SUPT3H: variants seen among roughly 807,000 people sequenced by gnomAD.
SUPT3H encodes the protein transcription initiation protein SPT3 homolog.
In SUPT3H, 44 loss-of-function variants were observed where a neutral mutation model predicts 44.3. The ratio of observed to expected loss-of-function variants is 0.99; its 90% CI spans 0.78 to 1.28. The LOEUF (loss-of-function observed/expected upper bound fraction) is 1.28. SUPT3H is among the 50% of genes most tolerant of loss of function. The pLI is 0.00. For missense variants in SUPT3H, 380 were observed against 387.1 expected, an observed-to-expected ratio of 0.98 and a Z score of 0.15; for synonymous variants, 124 against 125.6, an observed-to-expected ratio of 0.99 and a Z score of 0.09.
rs1775229196 is a variant in SUPT3H, at chr6:44,956,493, AAAAT to A, written c.581-1890_581-1887del. Among the ~76,000 whole-genome samples the A allele has an allele frequency of 6.2e-4, 4 of 6,468 alleles. 1 individual carries two copies. Among genetic ancestry groups the A allele is most frequent in the Non-Finnish European group, 1.0e-3 (3 of 2,886 alleles). 4.2% of individuals were successfully genotyped at this position (6,468 alleles called of 152,430 possible). On this transcript the variant is annotated intron_variant, in intron 7 of 10. Transcript: ENST00000371459. ...CTCAAAAAAAAAAAAATAAAAAAAAAAAATAAAAATAAAAAAAAAAAAGTGTCTA... is the reference window on the plus strand; with the variant it reads ...CTCAAAAAAAAAAAAATAAAAAAAAAAAAAATAAAAAAAAAAAAGTGTCTA...
intron 2 of SUPT3H, among the ~76,000 whole-genome samples, chr6:45,204,468 C>T (rs1762925777): frequency 6.6e-6 from 1 of 152,108 alleles, no homozygotes; most frequent in South Asian, 2.1e-4. Flanking sequence ...TATAAAGAAT[C>T]TACTTTGGTG....
At chr6:44,937,657 A>C (rs1245247924) in intron 9 of SUPT3H, among the ~76,000 whole-genome samples, 1 of 152,076 alleles carries the variant, frequency 6.6e-6, no homozygotes, top group Non-Finnish European at 1.5e-5. Flanking sequence ...TTGTGGTTTT[A>C]ATTTGCATTT....
intron 3 of SUPT3H, among the ~76,000 whole-genome samples, chr6:45,100,159 C>T (rs144524084): frequency 1.5e-4 from 23 of 152,126 alleles, no homozygotes; most frequent in East Asian, 3.9e-4. Context: ...CAGGGGAAAA[C>T]GCTTCGGACA....
At chr6:45,315,576 G>A (rs893173674) in intron 2 of SUPT3H, among the ~76,000 whole-genome samples, 3 of 152,046 alleles carry the variant, frequency 2.0e-5, no homozygotes, top group African/African-American at 4.8e-5. Context: ...ACCACAATGC[G>A]ATACCACCTT....
chr6:45,148,275 A>G (rs1806402755), intron 2 of SUPT3H, among the ~76,000 whole-genome samples: 1 of 152,022 alleles, frequency 6.6e-6, no homozygotes. Flanking sequence ...TCCTCCTCAA[A>G]CTCCTATGAG....
intron 2 of SUPT3H, among the ~76,000 whole-genome samples, chr6:45,133,959 C>T (rs1803878358): frequency 6.6e-6 from 1 of 152,090 alleles, no homozygotes; most frequent in Non-Finnish European, 1.5e-5. Flanking sequence ...TTACAAACCC[C>T]CAATGTGATG....
Position 45,177,590 on chromosome 6 carries a change from G to A in SUPT3H, c.102-71584C>T, listed in dbSNP as rs972980680. ...AGAACACCACAAAGATACTCCTCGA[G>A]AAGAGCAACTCCAAGACACATAATT... On this transcript the variant is annotated intron_variant, in intron 2 of 10. Transcript: ENST00000371459. Among the ~76,000 whole-genome samples, 280 of 152,028 alleles carry A rather than the reference G, an allele frequency of 1.8e-3. 1 individual carries two copies. Among genetic ancestry groups the A allele is most frequent in the African/African-American group, 6.2e-3 (258 of 41,450 alleles).
chr6:44,821,079 C>T (rs966485824), intron 11 of SUPT3H, among the ~76,000 whole-genome samples: 2 of 152,036 alleles, frequency 1.3e-5, no homozygotes, highest in African/African-American at 2.4e-5. Context: ...TCCAATTCTT[C>T]GCCTCAAGCA....
chr6:44,833,675 C>A (rs1327746092), intron 10 of SUPT3H, among the ~76,000 whole-genome samples: 3 of 152,034 alleles, frequency 2.0e-5, no homozygotes, highest in African/African-American at 7.2e-5. Flanking sequence ...CTAATTTGAG[C>A]CTTACCACAA....
At chr6:45,174,520 G>A (rs1811362663) in intron 2 of SUPT3H, among the ~76,000 whole-genome samples, 1 of 152,090 alleles carries the variant, frequency 6.6e-6, no homozygotes, top group African/African-American at 2.4e-5. Flanking sequence ...CATAAAGTGA[G>A]GTGAATAAGA....
At chr6:45,346,668 A>G (rs1406005811) in intron 2 of SUPT3H, among the ~76,000 whole-genome samples, 1 of 151,536 alleles carries the variant, frequency 6.6e-6, no homozygotes, top group African/African-American at 2.4e-5. Context: ...CCTGGGTTCA[A>G]GCAATTCTCT....
rs367614320 is a variant in SUPT3H at position 45,109,349 on chromosome 6, TA to T, written c.102-3344del. 2.0e-3 allele frequency among the ~76,000 whole-genome samples: 307 copies of T among 151,246 alleles called. 3 individuals carry two copies. Among genetic ancestry groups the T allele is most frequent in the African/African-American group, 6.9e-3 (284 of 41,276 alleles). On this transcript the variant is annotated intron_variant, in intron 2 of 10. Transcript: ENST00000371459. ...TCTAAGTTACTTCGAATGTCACTGT[TA>T]AAAAAAAAGTGCAAAGTTATCAACG...
At chr6:45,287,709 A>G (rs996198137) in intron 2 of SUPT3H, among the ~76,000 whole-genome samples, 6 of 152,198 alleles carry the variant, frequency 3.9e-5, no homozygotes, top group African/African-American at 1.2e-4. Flanking sequence ...ATGCAATGTC[A>G]AGGTACTTAA....
intron 9 of SUPT3H, among the ~76,000 whole-genome samples, chr6:44,948,576 C>T (rs185919476): frequency 1.9e-3 from 284 of 152,192 alleles, no homozygotes; most frequent in African/African-American, 6.2e-3. Context: ...AAAAAGTGGG[C>T]GAAGGATATG....
At chr6:45,086,484 G>T (rs562274979) in intron 3 of SUPT3H, among the ~76,000 whole-genome samples, 1 of 151,882 alleles carries the variant, frequency 6.6e-6, no homozygotes, top group African/African-American at 2.4e-5. Context: ...AATTTATAAT[G>T]CTTGCATGAC....
chr6:45,278,766 C>T (rs746888216), intron 2 of SUPT3H, among the ~76,000 whole-genome samples: 20 of 152,116 alleles, frequency 1.3e-4, no homozygotes, highest in Non-Finnish European at 2.4e-4. Context: ...TTGTTCAATA[C>T]AGATTATAGA....
At chr6:45,299,191 C>CA (rs55660746) in intron 2 of SUPT3H, among the ~76,000 whole-genome samples, 55,591 of 146,010 alleles carry the variant, frequency 0.38, 10,916 homozygotes, top group Non-Finnish European at 0.45. Flanking sequence ...ACTGAAAGTA[C>CA]AAAAAAAAAA....
At chr6:45,166,554 C>A (rs188010930) in intron 2 of SUPT3H, among the ~76,000 whole-genome samples, 8 of 141,366 alleles carry the variant, frequency 5.7e-5, no homozygotes, top group Admixed American at 5.1e-4. Flanking sequence ...CACTGCACTC[C>A]AGCCTGGGCG....
intron 2 of SUPT3H, among the ~76,000 whole-genome samples, chr6:45,170,129 T>C (rs1583984846): frequency 6.6e-6 from 1 of 152,336 alleles, no homozygotes; most frequent in African/African-American, 2.4e-5. Flanking sequence ...GAACTCTTCG[T>C]AGACTTCTAG....
Sources: gnomAD v4.1 joint callset for allele counts (sites outside exome capture counted in the v4.1 genomes callset) on GRCh38, gnomAD v4.1.1 for gene constraint, MANE v1.5 for transcripts, NCBI Gene and HGNC (gene_info 2026-07-23, HGNC 2026-07-21) for gene names.